Variants in TNK2 observed in about 807,000 individuals in gnomAD.
The protein encoded by TNK2 is tyrosine kinase non receptor 2.
In TNK2, 83 loss-of-function variants were observed where a neutral mutation model predicts 101.8. That is an observed-to-expected ratio of 0.82 (90% CI 0.68 to 0.98). The LOEUF (loss-of-function observed/expected upper bound fraction) is 0.98, where lower values mean the gene tolerates loss of function less well. Ranked by LOEUF, TNK2 falls within the 50% of genes least tolerant of loss-of-function variation. TNK2 has a pLI of 0.00. For synonymous variants in TNK2, 804 were observed against 633.0 expected (o/e 1.27, Z -4.06); for missense variants, 1,665 against 1,483.2 (o/e 1.12, Z -2.01).
chr3:195,868,084 G>A lies in TNK2; in HGVS notation c.2214C>T (p.Gly738=), dbSNP rs1308027449. 3.7e-6 allele frequency: 6 copies of A among 1,609,270 alleles called. No homozygotes were observed. Among genetic ancestry groups the A allele is most frequent in the African/African-American group, 1.3e-5 (1 of 74,806 alleles). The change falls in exon 13 of 16, where the codon GGC becomes GGT. Residue 738 remains glycine (G), a synonymous_variant. Transcript: ENST00000672887. The part of the protein sequence containing the change: ...ECMRQLQAPA[G]SPAPSPSPGG... ...CCGGGCTGGGAGAGGGGGCCGGGGAGCCGGCCGGAGCCTGCAGTTGCCTCA... is the reference window on the plus strand; with the variant it reads ...CCGGGCTGGGAGAGGGGGCCGGGGAACCGGCCGGAGCCTGCAGTTGCCTCA...
chr3:195,901,254 C>T (rs1040479601), intron 1 of TNK2, among the ~76,000 whole-genome samples: 5 of 152,174 alleles, frequency 3.3e-5, no homozygotes, highest in African/African-American at 9.7e-5. Context: ...AAGCTGTCAT[C>T]GGGAATGGAG....
At chr3:195,875,901 G>A (rs1257390337) in intron 9 of TNK2, among the ~76,000 whole-genome samples, 1 of 152,202 alleles carries the variant, frequency 6.6e-6, no homozygotes, top group Non-Finnish European at 1.5e-5. Context: ...CCCAGCTCTG[G>A]AAATCTCAGC....
Position 195,868,283 on chromosome 3 carries a change from G to A in TNK2, c.2015C>T (p.Ala672Val), listed in dbSNP as rs866175307. The change falls in exon 13 of 16, where the codon GCG (alanine) becomes GTG (valine). Residue 672 changes from alanine (A) to valine (V), a missense_variant. Ala to Val is a moderately conservative substitution (Grantham distance 64). Coordinates refer to ENST00000672887, the MANE Select transcript of TNK2 (RefSeq NM_001382273.1). ...CTGGCTGGGCCCGGCAGGGACCCCC[G>A]CGCCCACGAGGGTGCTGTTGATGGA... ...ICSINSTLVG[A>V]GVPAGPSQGQ... The A allele has an allele frequency of 5.6e-6, 9 of 1,603,838 alleles. No homozygotes were observed. The highest frequency in any genetic ancestry group is 3.3e-5 in the South Asian group (3 of 91,074).
intron 9 of TNK2, among the ~76,000 whole-genome samples, chr3:195,873,738 G>A (rs979190259): frequency 3.3e-5 from 5 of 152,168 alleles, no homozygotes; most frequent in African/African-American, 7.2e-5. Context: ...GTAAGGTGAC[G>A]AGGCCTGGCT....
intron 9 of TNK2, among the ~76,000 whole-genome samples, chr3:195,877,706 G>A (rs961446076): frequency 2.6e-5 from 4 of 152,154 alleles, no homozygotes; most frequent in East Asian, 1.9e-4. Context: ...AGGGACTCCC[G>A]AGAGGCTGTG....
chr3:195,902,378 G>A (rs541759370), intron 1 of TNK2, among the ~76,000 whole-genome samples: 1 of 152,268 alleles, frequency 6.6e-6, no homozygotes, highest in Non-Finnish European at 1.5e-5. Flanking sequence ...AGCACTGTGG[G>A]AGGCCGAGGT....
chr3:195,895,719 G>C (rs1239394180), intron 1 of TNK2, among the ~76,000 whole-genome samples: 2 of 152,128 alleles, frequency 1.3e-5, no homozygotes, highest in Non-Finnish European at 2.9e-5. Flanking sequence ...TGGGGCCTTG[G>C]GGATTCACGA....
Position 195,867,762 on chromosome 3 carries a change from G to A in TNK2, c.2536C>T (p.Gln846Ter). The A allele has an allele frequency of 6.3e-7, 1 of 1,587,980 alleles. No homozygotes were observed. The highest frequency in any genetic ancestry group is 8.6e-7 in the Non-Finnish European group (1 of 1,168,842). Residue 846 changes from glutamine to a stop codon, truncating the protein, a stop_gained, in exon 13 of 16, where the codon CAG (glutamine) becomes TAG (stop). Transcript: ENST00000672887. LOFTEE classifies it high-confidence loss of function. ...FASDPKYATPQVIQAPGPRAG... is the reference protein window; with the variant it reads ...FASDPKYATP The stretch of plus-strand genomic sequence containing the variant: ...CGCGGGCCAGGGGCCTGGATCACCT[G>A]GGGGGTGGCGTACTTGGGGTCTGAG...
In TNK2 at chr3:195,886,908, A is replaced by G; in HGVS notation, c.234+69T>C. On this transcript the variant is annotated intron_variant, in intron 3 of 15. Transcript: ENST00000672887. This position sits in a 1 kb window ranked among gnomAD's most constrained non-coding sequence, Gnocchi z 4.2. ...TGCCGGGGAGCTGGGGAAGGTTCCC[A>G]GGACCAGAAGCGGAGGGGGGCGTTC... 2 of 1,562,314 alleles carry G rather than the reference A, an allele frequency of 1.3e-6. No homozygotes were observed. Among genetic ancestry groups the G allele is most frequent in the East Asian group, 4.5e-5 (2 of 44,610 alleles).
intron 1 of TNK2, among the ~76,000 whole-genome samples, chr3:195,901,807 T>TA (rs1362498230): frequency 2.0e-5 from 3 of 152,060 alleles, no homozygotes; most frequent in South Asian, 4.1e-4. Context: ...GAGTAAAAGG[T>TA]AAAGCCAGCA....
rs1259139367 is a variant in TNK2, at chr3:195,879,043, C to T, written c.1014+6G>A. On this transcript the variant is annotated splice_donor_region_variant and intron_variant, in intron 7 of 15. Transcript: ENST00000672887. The stretch of plus-strand genomic sequence containing the variant: ...GCCCTATGGGGGCCCGTCTCCCAGC[C>T]CTCACCTGACTGCCGTTGAGGCCGA... 8.7e-6 allele frequency: 14 copies of T among 1,613,176 alleles called. No homozygotes were observed. The East Asian group carries it at 1.6e-4, about 18-fold the overall frequency.
chr3:195,906,771 T>C (rs1273301185), intron 1 of TNK2, among the ~76,000 whole-genome samples: 1 of 152,190 alleles, frequency 6.6e-6, no homozygotes. Flanking sequence ...ATAAAACTGT[T>C]ATTTAAAACA....
At chr3:195,892,397 T>A (rs1446751955) in intron 1 of TNK2, 1 of 1,527,746 alleles carries the variant, frequency 6.5e-7, no homozygotes, top group Admixed American at 2.0e-5. Context: ...GTCCAGCCCC[T>A]GCCCCCCACT....
intron 1 of TNK2, among the ~76,000 whole-genome samples, chr3:195,906,852 G>A (rs1237972790): frequency 2.0e-5 from 3 of 152,164 alleles, no homozygotes; most frequent in Non-Finnish European, 4.4e-5. Context: ...AGGGGCCAGA[G>A]GGAACAGTCT....
Position 195,887,006 on chromosome 3 carries a change from A to G in TNK2, c.205T>C (p.Leu69=). Residue 69 remains leucine, a synonymous_variant, in exon 3 of 16, where the codon TTG becomes CTG. Transcript: ENST00000672887. ...CTCATCCACGACTTGCGTTTGCACA[A>G]GGCCTTCCTCCTCTTCACAGCCTCC... ...LWEAVKRRKA[L]CKRKSWMSKV... is the part of the protein sequence containing the mutation. 1 of 1,614,192 alleles carries G rather than the reference A, an allele frequency of 6.2e-7. No homozygotes were observed. Among genetic ancestry groups the G allele is most frequent in the Non-Finnish European group, 8.5e-7 (1 of 1,180,032 alleles).
intron 10 of TNK2, 74 bp downstream of exon 10, chr3:195,872,202 C>T: frequency 6.5e-7 from 1 of 1,529,512 alleles, no homozygotes; most frequent in Non-Finnish European, 8.9e-7. Context: ...CAGATTCCGC[C>T]CACGCGTGCC....
At chr3:195,900,204 T>G (rs997340544) in intron 1 of TNK2, among the ~76,000 whole-genome samples, 21 of 147,606 alleles carry the variant, frequency 1.4e-4, no homozygotes, top group African/African-American at 4.0e-4. Flanking sequence ...CCACACAGGG[T>G]GATGGGAAGG....
rs2149590371 is a variant in TNK2, at chr3:195,884,825, G to A, written c.443C>T (p.Pro148Leu). ...GVVRRGEWDA[P>L]SGKTVSVAVK... ...CAGAGAGCTCACCGTCTTCCCTGAG[G>A]GCGCGTCCCACTCGCCCCTGCGCAC... Residue 148 changes from proline to leucine, a missense_variant, in exon 4 of 16, where the codon CCC (proline) becomes CTC (leucine). Physicochemically the swap from Pro to Leu is moderately conservative, Grantham distance 98 (BLOSUM62 -3). Around this residue, in one of 3 missense-constraint regions of TNK2, gnomAD observed 490 missense variants for 522.5 expected, o/e 0.94. Transcript: ENST00000672887. The A allele has an allele frequency of 6.2e-7, 1 of 1,611,242 alleles. No individual in the cohort carries two copies. The highest frequency in any genetic ancestry group is 8.5e-7 in the Non-Finnish European group (1 of 1,179,588).
chr3:195,867,595 G>A lies in TNK2; in HGVS notation c.2703C>T (p.Thr901=), dbSNP rs748316145. The A allele has an allele frequency of 5.0e-6, 8 of 1,593,482 alleles. No individual in the cohort carries two copies. Among genetic ancestry groups the A allele is most frequent in the Non-Finnish European group, 5.9e-6 (7 of 1,177,560 alleles). The change falls in exon 13 of 16, where the codon ACC becomes ACT. Residue 901 remains threonine, a synonymous_variant. Transcript: ENST00000672887. ...LREAQSPEEP[T]PLPVPLLLPP... ...GCAGCAGCAGAGGCACAGGCAGGGG[G>A]GTAGGCTCCTCGGGGCTCTGGGCCT... is the stretch of plus-strand genomic sequence containing the variant.
Sources: allele counts gnomAD v4.1 joint callset (sites outside exome capture counted in the v4.1 genomes callset), GRCh38; gene constraint gnomAD v4.1.1; regional missense constraint gnomAD v4.1.1; non-coding constraint Gnocchi (gnomAD v3.1); transcripts MANE v1.5; gene names NCBI Gene and HGNC (gene_info 2026-07-23, HGNC 2026-07-21).